The following PARP16 variants were observed in gnomAD, a reference collection of about 807,000 sequenced individuals.
The protein encoded by PARP16 is protein mono-ADP-ribosyltransferase PARP16.
In PARP16, 31 loss-of-function variants were observed where a neutral mutation model predicts 35.0. The ratio of observed to expected loss-of-function variants is 0.88; its 90% CI spans 0.66 to 1.19. PARP16 has a LOEUF of 1.19. Ranked by LOEUF, PARP16 falls within the 50% of genes most tolerant of loss-of-function variation. PARP16 has a pLI of 0.00. For synonymous variants in PARP16, 162 were observed against 169.5 expected (o/e 0.96, Z 0.34); for missense variants, 424 against 411.2 (o/e 1.03, Z -0.27).
intron 3 of PARP16, among the ~76,000 whole-genome samples, chr15:65,235,110 C>G (rs968182306): frequency 6.6e-6 from 1 of 151,738 alleles, no homozygotes; most frequent in Non-Finnish European, 1.5e-5. Flanking sequence ...CAAAACTGCA[C>G]GTTGTGCAAA....
At chr15:65,265,849 T>G (rs978659758) in intron 3 of PARP16, among the ~76,000 whole-genome samples, 76 of 152,362 alleles carry the variant, frequency 5.0e-4, no homozygotes, top group African/African-American at 1.8e-3. Flanking sequence ...AAGCAACTGA[T>G]GCCTGTGCTC....
At chr15:65,253,215 T>C (rs180935273), downstream of PARP16, among the ~76,000 whole-genome samples, 495 of 151,930 alleles carry the variant, frequency 3.3e-3, 1 homozygote, top group Middle Eastern at 6.9e-3. Context: ...AAGGTATTTC[T>C]GGTGACATCG....
intron 4 of PARP16, among the ~76,000 whole-genome samples, 173 bp downstream of exon 4, chr15:65,262,976 T>C (rs1245145838): frequency 6.6e-6 from 1 of 152,118 alleles, no homozygotes; most frequent in African/African-American, 2.4e-5. Context: ...CCATTGAGTG[T>C]TCAATCTCTA....
At chr15:65,259,679 G>A in intron 5 of PARP16, 137 bp from the exon 6 acceptor site, 1 of 839,358 alleles carries the variant, frequency 1.2e-6, no homozygotes, top group East Asian at 2.6e-5. Flanking sequence ...GAAGCTTCGT[G>A]CTTCCTTGCT....
At chr15:65,241,516 T>G (rs1441195284) in intron 3 of PARP16, among the ~76,000 whole-genome samples, 3 of 152,194 alleles carry the variant, frequency 2.0e-5, no homozygotes, top group Non-Finnish European at 4.4e-5. Context: ...TTGCCAACAC[T>G]TCATATGGTC....
intron 1 of PARP16, among the ~76,000 whole-genome samples, chr15:65,285,140 GTTTTT>G (rs759145300): frequency 1.5e-5 from 2 of 135,248 alleles, no homozygotes; most frequent in Non-Finnish European, 3.2e-5. Flanking sequence ...CACCCTCCAG[GTTTTT>G]TTTTTTTTTT....
At chr15:65,266,504 C>T in intron 3 of PARP16, 58 bp downstream of exon 3, 1 of 1,427,198 alleles carries the variant, frequency 7.0e-7, no homozygotes, top group Non-Finnish European at 9.9e-7. Flanking sequence ...TCCCCCTCCC[C>T]ACTCTCCCAC....
At chr15:65,275,301 G>A (rs2090219977) in intron 1 of PARP16, among the ~76,000 whole-genome samples, 1 of 152,178 alleles carries the variant, frequency 6.6e-6, no homozygotes, top group Non-Finnish European at 1.5e-5. Flanking sequence ...AGCGCAGCAT[G>A]TAGCTGGGGA....
At position 65,268,544 on chromosome 15, in the gene PARP16, C is replaced by T. The variant is rs1024770683; in HGVS notation, c.313-1776G>A. On this transcript the variant is annotated intron_variant, in intron 2 of 5. Coordinates refer to ENST00000649807, the MANE Select transcript of PARP16 (RefSeq NM_001316943.2). The stretch of plus-strand genomic sequence containing the variant: ...CATCGCAGCCTTGAACTCCTGGGTT[C>T]GAGCAATCCTCTATCCTCAGTTTCT... Among the ~76,000 whole-genome samples, 4 of 152,282 alleles carry T rather than the reference C, an allele frequency of 2.6e-5. No homozygotes were observed. The East Asian group carries it at 5.8e-4, about 22-fold the overall frequency.
chr15:65,259,557 A>G lies in PARP16; in HGVS notation c.834-15T>C. On this transcript the variant is annotated splice_polypyrimidine_tract_variant and intron_variant, in intron 5 of 5. Transcript: ENST00000649807. The stretch of plus-strand genomic sequence containing the variant: ...GGCTCGAAGCCCTGCTTAAGAGGGA[A>G]AAAAGAGTGGTGTTGGCAAAAAGAG... 1 of 1,612,392 alleles carries G rather than the reference A, an allele frequency of 6.2e-7. No homozygotes were observed. Among genetic ancestry groups the G allele is most frequent in the South Asian group, 1.1e-5 (1 of 90,972 alleles).
intron 3 of PARP16, among the ~76,000 whole-genome samples, chr15:65,236,799 C>T (rs1211594848): frequency 1.3e-5 from 2 of 151,852 alleles, no homozygotes; most frequent in African/African-American, 4.8e-5. Context: ...GGTGAAACCC[C>T]ATCTCTACTA....
intron 3 of PARP16, among the ~76,000 whole-genome samples, chr15:65,266,135 G>C (rs2089884309): frequency 6.6e-6 from 1 of 152,044 alleles, no homozygotes; most frequent in Admixed American, 6.6e-5. Context: ...CACCACGTTG[G>C]CCAGGCTGGT....
At chr15:65,256,101 GCCCTC>G (rs1436427136), downstream of PARP16, among the ~76,000 whole-genome samples, 18 of 152,276 alleles carry the variant, frequency 1.2e-4, no homozygotes, top group East Asian at 3.5e-3. Context: ...TGCTCATCTA[GCCCTC>G]CTCTTTGGCT....
intron 3 of PARP16, among the ~76,000 whole-genome samples, chr15:65,243,257 G>A (rs2089126253): frequency 2.0e-5 from 3 of 151,766 alleles, no homozygotes; most frequent in African/African-American, 4.8e-5. Flanking sequence ...GTATGATTTT[G>A]TTGTTGTTTT....
At chr15:65,256,407 CTTTT>C (rs11422149), downstream of PARP16, among the ~76,000 whole-genome samples, 1 of 121,512 alleles carries the variant, frequency 8.2e-6, no homozygotes, top group Non-Finnish European at 1.7e-5. Flanking sequence ...CTGCCCACGG[CTTTT>C]TTTTTTTTTT....
chr15:65,231,595 G>A (rs77018042), downstream of PARP16, among the ~76,000 whole-genome samples: 1,153 of 151,820 alleles, frequency 7.6e-3, 19 homozygotes, highest in African/African-American at 0.026. Context: ...GACTACAGGC[G>A]CACCACCACT....
intron 4 of PARP16, among the ~76,000 whole-genome samples, chr15:65,262,134 C>CTTTTTTTTTTT (rs958810685): frequency 7.6e-6 from 1 of 132,254 alleles, no homozygotes. Context: ...TTTTTTCTTT[C>CTTTTTTTTTTT]TTTTTTTTTT....
At chr15:65,249,362 G>C (rs2089294210) in intron 2 of PARP16, among the ~76,000 whole-genome samples, 1 of 152,270 alleles carries the variant, frequency 6.6e-6, no homozygotes, top group Admixed American at 6.5e-5. Flanking sequence ...CAGTGGCCCA[G>C]TGGGGGCCTC....
Position 65,273,876 on chromosome 15 carries a change from C to CAA in PARP16, c.175-2806_175-2805dup, listed in dbSNP as rs5813343. Reference sequence around the variant, plus strand: ...GGGCAACAATAGCAAAACTCTGTTTCAAAAAAAAAAAAAACAAAAAACACC... The same window carrying CAA: ...GGGCAACAATAGCAAAACTCTGTTTCAAAAAAAAAAAAAAAACAAAAAACACC... On this transcript the variant is annotated intron_variant, in intron 1 of 5. Coordinates refer to ENST00000649807, the MANE Select transcript of PARP16 (RefSeq NM_001316943.2). Among the ~76,000 whole-genome samples the CAA allele has an allele frequency of 6.3e-3, 858 of 137,122 alleles. 2 individuals are homozygous for CAA. Among genetic ancestry groups the CAA allele is most frequent in the African/African-American group, 0.014 (510 of 37,216 alleles). 90.0% of individuals were successfully genotyped at this position (137,122 alleles called of 152,430 possible).
Sources: allele counts gnomAD v4.1 joint callset (sites outside exome capture counted in the v4.1 genomes callset), GRCh38; gene constraint gnomAD v4.1.1; transcripts MANE v1.5; gene names NCBI Gene and HGNC (gene_info 2026-07-23, HGNC 2026-07-21).